Variants in CRLF2 observed in about 807,000 individuals in gnomAD.
The protein encoded by CRLF2 is cytokine receptor like factor 2.
Under a neutral mutation model 38.7 loss-of-function variants are expected in CRLF2, and 41 were observed. The ratio of observed to expected loss-of-function variants is 1.06; its 90% CI spans 0.83 to 1.37. The LOEUF is 1.37. Among genes scored for constraint, CRLF2 ranks in the 40% most tolerant of loss-of-function variants. CRLF2 has a pLI of 0.00. For synonymous variants in CRLF2, 140 were observed against 128.8 expected (o/e 1.09, Z -0.59); for missense variants, 377 against 322.2 (o/e 1.17, Z -1.30).
chrX:1,210,120 AGAAAAGAAAAG>A (rs1569473686), intron 1 of CRLF2, among the ~76,000 whole-genome samples: 6 of 58,920 alleles, frequency 1.0e-4, no homozygotes, highest in African/African-American at 4.7e-4. Context: ...AAAAAAGAAA[AGAAAAGAAAAG>A]AAAAGAAAAG....
chrX:1,206,604 G>T lies in CRLF2; in HGVS notation c.183-5C>A. The T allele has an allele frequency of 6.2e-7, 1 of 1,611,912 alleles. No individual in the cohort carries two copies. On this transcript the variant is annotated splice_polypyrimidine_tract_variant and splice_region_variant and intron_variant, in intron 2 of 7. Transcript: ENST00000400841. ...TAGGCCTCATCACCGTTGAATCTGT[G>T]GTTTAAAACGATGACCATTCAGCAA... is the stretch of plus-strand genomic sequence containing the variant.
At chrX:1,201,939 T>C (rs1242505862) in intron 4 of CRLF2, among the ~76,000 whole-genome samples, 2 of 151,296 alleles carry the variant, frequency 1.3e-5, no homozygotes, top group African/African-American at 2.4e-5. Context: ...GAGAGATAGA[T>C]AGAACAAAGA....
At chrX:1,209,459 G>A (rs2086755553) in intron 1 of CRLF2, among the ~76,000 whole-genome samples, 1 of 151,696 alleles carries the variant, frequency 6.6e-6, no homozygotes, top group Admixed American at 6.6e-5. Flanking sequence ...AGCCTCCCGA[G>A]TAGCTGGGGC....
intron 4 of CRLF2, 106 bp from the exon 5 acceptor site, chrX:1,198,830 G>A: frequency 1.8e-6 from 2 of 1,137,138 alleles, no homozygotes; most frequent in African/African-American, 1.5e-5. Context: ...CTTCCGGAGG[G>A]TTCACAGTCT....
At chrX:1,195,641 A>T (rs1205177045) in intron 6 of CRLF2, among the ~76,000 whole-genome samples, 1 of 149,474 alleles carries the variant, frequency 6.7e-6, no homozygotes, top group Non-Finnish European at 1.5e-5. Flanking sequence ...ATAATGGTGC[A>T]ATCTCAGCTC....
At position 1,210,318 on chromosome X, in the gene CRLF2, C is replaced by CT. The variant is rs200621804; in HGVS notation, c.80-1411dup. ...ATTTTGCATAATGAAAGCCAAGTCT[C>CT]TTTTTTTTATTTTGAGACAGAGTCT... On this transcript the variant is annotated intron_variant, in intron 1 of 7. Transcript: ENST00000400841. Among the ~76,000 whole-genome samples the CT allele has an allele frequency of 2.2e-3, 334 of 151,840 alleles. 2 individuals are homozygous for CT. Among genetic ancestry groups the CT allele is most frequent in the African/African-American group, 4.5e-3 (186 of 41,446 alleles).
chrX:1,201,322 G>T (rs1181871764), intron 4 of CRLF2, among the ~76,000 whole-genome samples: 2 of 142,634 alleles, frequency 1.4e-5, no homozygotes, highest in Non-Finnish European at 3.0e-5. Context: ...GTGTGCCTGT[G>T]TGCCTGTGTT....
At chrX:1,206,905 A>C (rs1432530029) in intron 2 of CRLF2, among the ~76,000 whole-genome samples, 8 of 150,054 alleles carry the variant, frequency 5.3e-5, no homozygotes, top group African/African-American at 1.7e-4. Context: ...TTGGCCTCCC[A>C]AACTGCTGGA....
chrX:1,200,420 G>A (rs1180778627), intron 4 of CRLF2, among the ~76,000 whole-genome samples: 6 of 107,968 alleles, frequency 5.6e-5, no homozygotes, highest in African/African-American at 1.8e-4. Context: ...TATAAGCTGT[G>A]TATATGTGTG....
intron 6 of CRLF2, among the ~76,000 whole-genome samples, chrX:1,195,968 T>G (rs2086467443): frequency 7.1e-6 from 1 of 140,178 alleles, no homozygotes; most frequent in African/African-American, 2.6e-5. Flanking sequence ...ATAAATTAAA[T>G]ATATATTATA....
rs372841892 is a variant in CRLF2 at position 1,202,541 on chromosome X, A to T, written c.350-6T>A. On this transcript the variant is annotated splice_polypyrimidine_tract_variant and splice_region_variant and intron_variant, in intron 3 of 7. Transcript: ENST00000400841. ...CTTCGGGGAACTGGGTTTCACTGAG[A>T]AGAAGAAATAACGGAAGCGACGTCC... The T allele has an allele frequency of 9.3e-6, 15 of 1,613,532 alleles. No homozygotes were observed. The African/African-American group carries it at 1.7e-4, about 19-fold the overall frequency.
intron 6 of CRLF2, among the ~76,000 whole-genome samples, chrX:1,195,169 G>T (rs2086454886): frequency 6.6e-6 from 1 of 151,882 alleles, no homozygotes; most frequent in Non-Finnish European, 1.5e-5. Flanking sequence ...CTCCAGCCTG[G>T]GTGACAGAGT....
intron 4 of CRLF2, among the ~76,000 whole-genome samples, chrX:1,201,878 T>C (rs1327029708): frequency 8.7e-5 from 13 of 149,014 alleles, no homozygotes; most frequent in African/African-American, 2.7e-4. Context: ...TGACCATACA[T>C]AGATAGATAA....
Position 1,190,588 on chromosome X carries a change from C to T in CRLF2, c.*309G>A. On this transcript the variant is annotated 3_prime_UTR_variant, in exon 8 of 8. Coordinates refer to ENST00000400841, the MANE Select transcript of CRLF2 (RefSeq NM_022148.4). ...ACAGAGTGGGAAGATGGTTTTACAG[C>T]ATTTTGGACGTGCTGCCTTGGGGTT... 5.7e-6 allele frequency: 2 copies of T among 352,830 alleles called. No homozygotes were observed. The highest frequency in any genetic ancestry group is 1.5e-4 in the South Asian group (1 of 6,584). 21.9% of individuals were successfully genotyped at this position (352,830 alleles called of 1,614,324 possible). A position where few individuals can be genotyped will look rare whatever the true frequency, so the allele number is the denominator to read the frequency against.
chrX:1,203,631 T>TG (rs1569471089), intron 3 of CRLF2, among the ~76,000 whole-genome samples: 1 of 151,418 alleles, frequency 6.6e-6, no homozygotes. Context: ...ACTGGAGTGA[T>TG]GCGGCCACAA....
chrX:1,196,833 C>A lies in CRLF2; in HGVS notation c.714G>T (p.Leu238=), dbSNP rs376618822. 1 of 1,613,496 alleles carries A rather than the reference C, an allele frequency of 6.2e-7. No homozygotes were observed. The highest frequency in any genetic ancestry group is 8.5e-7 in the Non-Finnish European group (1 of 1,179,556). The part of the protein sequence containing the change: ...KLSKFILISS[L]AILLMVSLLL... ...GGAGAGACACCATCAGAAGGATGGC[C>A]AGGCTGGAAATTAAAATAAATTTGG... The change falls in exon 6 of 8, where the codon CTG becomes CTT. Residue 238 remains leucine (L), a synonymous_variant. Transcript: ENST00000400841.
intron 6 of CRLF2, among the ~76,000 whole-genome samples, chrX:1,195,949 AT>A (rs1386946168): frequency 2.3e-3 from 322 of 141,328 alleles, no homozygotes; most frequent in African/African-American, 7.6e-3. Flanking sequence ...ATTTATATAT[AT>A]TTTATATATA....
At chrX:1,193,669 C>A (rs1400914228) in intron 6 of CRLF2, among the ~76,000 whole-genome samples, 1 of 150,680 alleles carries the variant, frequency 6.6e-6, no homozygotes, top group African/African-American at 2.4e-5. Context: ...GTAGTCCCAG[C>A]TACTCGGGAG....
At chrX:1,205,127 T>C (rs1286727568) in intron 3 of CRLF2, among the ~76,000 whole-genome samples, 10 of 151,944 alleles carry the variant, frequency 6.6e-5, no homozygotes, top group African/African-American at 2.4e-4. Flanking sequence ...GCGCCCCGCC[T>C]TTAATTCATT....
Sources: allele counts gnomAD v4.1 joint callset (sites outside exome capture counted in the v4.1 genomes callset), GRCh38; gene constraint gnomAD v4.1.1; transcripts MANE v1.5; gene names NCBI Gene and HGNC (gene_info 2026-07-23, HGNC 2026-07-21).